CCDC91: variants seen among roughly 807,000 people sequenced by gnomAD.
The protein encoded by CCDC91 is coiled-coil domain containing 91, also known as coiled-coil domain-containing protein 91.
CCDC91 carries 48 observed loss-of-function variants against 63.2 expected under a neutral mutation model. That is an observed-to-expected ratio of 0.76 (90% CI 0.60 to 0.97). The LOEUF (loss-of-function observed/expected upper bound fraction) is 0.97. Ranked by LOEUF, CCDC91 falls within the 50% of genes least tolerant of loss-of-function variation. The probability of loss-of-function intolerance (pLI) is 0.00; values close to 1 mark genes in which losing one functional copy is unlikely to be tolerated. For synonymous variants in CCDC91, 167 were observed against 165.8 expected (o/e 1.01, Z -0.06); for missense variants, 500 against 494.6 (o/e 1.01, Z -0.10).
At position 28,267,828 on chromosome 12, in the gene CCDC91, T is replaced by TAGTA. The variant is rs1226016364; in HGVS notation, c.109+8387_109+8388insGTAA. 4.7e-4 allele frequency among the ~76,000 whole-genome samples: 8 copies of TAGTA among 17,058 alleles called. No individual in the cohort carries two copies. The South Asian group carries it at 1.0e-2, about 21-fold the overall frequency. The allele number at this position is 17,058 out of a possible 152,430, so 11.2% of individuals were successfully genotyped here. A position where few individuals can be genotyped will look rare whatever the true frequency, so the allele number is the denominator to read the frequency against. On this transcript the variant is annotated intron_variant, in intron 3 of 12. Transcript: ENST00000536442. ...TAGTAATATATAATTATATTATTAA[T>TAGTA]ATATAATTATATATAATTATATAGT...
chr12:28,249,718 C>CT (rs777184107), intron 1 of CCDC91, among the ~76,000 whole-genome samples: 1,806 of 143,960 alleles, frequency 0.013, 22 homozygotes, highest in African/African-American at 0.028. Context: ...ACTATGATTA[C>CT]TTTTTTTTTT....
chr12:28,269,861 T>A (rs1227133698), intron 3 of CCDC91, among the ~76,000 whole-genome samples: 1 of 152,146 alleles, frequency 6.6e-6, no homozygotes, highest in Non-Finnish European at 1.5e-5. Context: ...ATTGCAGTTA[T>A]AAAATCCTCC....
chr12:28,243,285 G>A (rs1160513944), intron 1 of CCDC91, among the ~76,000 whole-genome samples: 2 of 152,158 alleles, frequency 1.3e-5, no homozygotes, highest in Admixed American at 6.6e-5. Context: ...GGAGGCGATC[G>A]TATAAGGTAG....
At chr12:28,463,573 A>AAC (rs1950409854) in intron 11 of CCDC91, among the ~76,000 whole-genome samples, 1 of 152,174 alleles carries the variant, frequency 6.6e-6, no homozygotes, top group Non-Finnish European at 1.5e-5. Flanking sequence ...TGGCAGTTGA[A>AAC]AAGGTGAAGA....
intron 12 of CCDC91, among the ~76,000 whole-genome samples, chr12:28,528,895 G>A (rs1941505780): frequency 6.6e-6 from 1 of 152,068 alleles, no homozygotes; most frequent in South Asian, 2.1e-4. Flanking sequence ...TGTTACTGTG[G>A]AATACTATGC....
chr12:28,434,261 A>G (rs142209212), intron 8 of CCDC91, among the ~76,000 whole-genome samples: 1 of 151,802 alleles, frequency 6.6e-6, no homozygotes, highest in Non-Finnish European at 1.5e-5. Context: ...GATGTTCTTT[A>G]TCAAATTGAG....
intron 8 of CCDC91, among the ~76,000 whole-genome samples, chr12:28,436,392 A>G (rs1450253362): frequency 1.3e-5 from 2 of 151,846 alleles, no homozygotes; most frequent in Non-Finnish European, 2.9e-5. Flanking sequence ...ATAATGATTC[A>G]AATTCTTCCA....
chr12:28,343,281 T>G (rs1223807284), intron 6 of CCDC91, among the ~76,000 whole-genome samples: 1 of 151,742 alleles, frequency 6.6e-6, no homozygotes, highest in Non-Finnish European at 1.5e-5. Flanking sequence ...ATAAACAGCA[T>G]AATGTAATAT....
chr12:28,232,487 A>G (rs1447678681), intron 1 of CCDC91, among the ~76,000 whole-genome samples: 1 of 152,126 alleles, frequency 6.6e-6, no homozygotes, highest in Admixed American at 6.6e-5. Context: ...CTATAAATTC[A>G]TCTTTGTATT....
chr12:28,265,129 C>T (rs1287380940), intron 3 of CCDC91, among the ~76,000 whole-genome samples: 1 of 151,944 alleles, frequency 6.6e-6, no homozygotes, highest in Non-Finnish European at 1.5e-5. Flanking sequence ...AAGAACTGTT[C>T]ACTTTTTATG....
intron 12 of CCDC91, among the ~76,000 whole-genome samples, chr12:28,495,180 A>G (rs973500476): frequency 4.6e-5 from 7 of 151,814 alleles, no homozygotes; most frequent in Middle Eastern, 3.4e-3. Flanking sequence ...TCTATCTGTG[A>G]TATTATTGCG....
intron 1 of CCDC91, among the ~76,000 whole-genome samples, chr12:28,238,757 A>T (rs1336609838): frequency 6.6e-6 from 1 of 152,114 alleles, no homozygotes; most frequent in African/African-American, 2.4e-5. Flanking sequence ...AATGAATCAG[A>T]TATGCACCAG....
chr12:28,362,880 T>G (rs1370781131), intron 7 of CCDC91, among the ~76,000 whole-genome samples: 1 of 152,156 alleles, frequency 6.6e-6, no homozygotes, highest in African/African-American at 2.4e-5. Flanking sequence ...ATATTATACC[T>G]TTTTGCTTTT....
chr12:28,482,552 A>G (rs1226863470), intron 11 of CCDC91, among the ~76,000 whole-genome samples: 3 of 151,972 alleles, frequency 2.0e-5, no homozygotes, highest in African/African-American at 7.2e-5. Context: ...ATATTTTTCT[A>G]AATTAAATGC....
intron 3 of CCDC91, among the ~76,000 whole-genome samples, chr12:28,269,498 G>T (rs983340570): frequency 6.6e-6 from 1 of 151,946 alleles, no homozygotes; most frequent in African/African-American, 2.4e-5. Context: ...TTTCTTAGAT[G>T]ACTTAAGCAC....
chr12:28,391,067 A>C (rs12828588), intron 7 of CCDC91, among the ~76,000 whole-genome samples: 2,669 of 152,000 alleles, frequency 0.018, 44 homozygotes, highest in Non-Finnish European at 0.025. Context: ...TTTAAGGAGA[A>C]GATGTGTGGA....
chr12:28,516,063 C>T (rs193118554), intron 12 of CCDC91, among the ~76,000 whole-genome samples: 1 of 152,078 alleles, frequency 6.6e-6, no homozygotes, highest in African/African-American at 2.4e-5. Flanking sequence ...GACATTGAAG[C>T]ATTTCATGCT....
chr12:28,282,181 C>A (rs1228220452), intron 3 of CCDC91, among the ~76,000 whole-genome samples: 1 of 152,060 alleles, frequency 6.6e-6, no homozygotes, highest in African/African-American at 2.4e-5. Flanking sequence ...ATTTTTCTTA[C>A]CTTCGATAAT....
intron 7 of CCDC91, among the ~76,000 whole-genome samples, chr12:28,367,173 A>AT (rs1336744763): frequency 3.5e-4 from 54 of 152,236 alleles, no homozygotes; most frequent in African/African-American, 1.2e-3. Context: ...TTTGTCAAGA[A>AT]TTTTAAGTAT....
Sources: allele counts gnomAD v4.1 joint callset (sites outside exome capture counted in the v4.1 genomes callset), GRCh38; gene constraint gnomAD v4.1.1; transcripts MANE v1.5; gene names NCBI Gene and HGNC (gene_info 2026-07-23, HGNC 2026-07-21).